SIAE: variants seen among roughly 807,000 people sequenced by gnomAD.
SIAE encodes the protein sialate O-acetylesterase.
In SIAE, 39 loss-of-function variants were observed where a neutral mutation model predicts 52.6. The observed-to-expected ratio is 0.74, with a 90% CI of 0.57 to 0.97. The LOEUF is 0.97. Among genes scored for constraint, SIAE ranks in the 50% least tolerant of loss-of-function variants. The probability of loss-of-function intolerance (pLI) is 0.00; values close to 1 mark genes in which losing one functional copy is unlikely to be tolerated. For missense variants in SIAE, 592 were observed against 662.1 expected (o/e 0.89, Z 1.16); for synonymous variants, 233 against 241.4 (o/e 0.97, Z 0.32).
At chr11:124,666,378 A>G (rs973466887) in intron 2 of SIAE, among the ~76,000 whole-genome samples, 7 of 152,186 alleles carry the variant, frequency 4.6e-5, no homozygotes, top group African/African-American at 1.2e-4. Context: ...TTTTCTGCCT[A>G]TGAAATTTCT....
At chr11:124,657,355 G>A (rs890766985) in intron 3 of SIAE, among the ~76,000 whole-genome samples, 16 of 152,184 alleles carry the variant, frequency 1.1e-4, no homozygotes, top group African/African-American at 3.9e-4. Flanking sequence ...GCCTCCTTTG[G>A]AATTCAGTTC....
At chr11:124,657,067 T>C (rs1943113139) in intron 3 of SIAE, among the ~76,000 whole-genome samples, 2 of 151,976 alleles carry the variant, frequency 1.3e-5, no homozygotes, top group African/African-American at 2.4e-5. Flanking sequence ...CAGATGGAAA[T>C]GAGATAGCTC....
Position 124,636,538 on chromosome 11 carries a change from T to C in SIAE, c.*413A>G. 1 of 280,330 alleles carries C rather than the reference T, an allele frequency of 3.6e-6. No individual in the cohort carries two copies. Among genetic ancestry groups the C allele is most frequent in the Non-Finnish European group, 6.9e-6 (1 of 144,896 alleles). 17.4% of individuals were successfully genotyped at this position (280,330 alleles called of 1,614,324 possible). On this transcript the variant is annotated 3_prime_UTR_variant, in exon 10 of 10. Transcript: ENST00000263593. ...AGCAGGGTCGGGCCTGGTTAGTACT[T>C]GGATGGGAGAAATTTTATAAAGAAC...
At chr11:124,675,865 A>G (rs1943456437), upstream of SIAE, 1 of 156,492 alleles carries the variant, frequency 6.4e-6, no homozygotes, top group Non-Finnish European at 1.4e-5. Flanking sequence ...TAAGTACTGC[A>G]AAAAGAATTC....
At position 124,636,594 on chromosome 11, in the gene SIAE, T is replaced by TA. The variant is rs758969296; in HGVS notation, c.*356dup. On this transcript the variant is annotated 3_prime_UTR_variant, in exon 10 of 10. Coordinates refer to ENST00000263593, the MANE Select transcript of SIAE (RefSeq NM_170601.5). ...AACACTAGCTGGCCTATGTGGCCTT[T>TA]AAAATCTCTTCCAATCCTGAGATTC... The TA allele has an allele frequency of 2.1e-5, 7 of 326,856 alleles. No individual in the cohort carries two copies. Among genetic ancestry groups the TA allele is most frequent in the Admixed American group, 8.4e-5 (2 of 23,922 alleles). 20.2% of individuals were successfully genotyped at this position (326,856 alleles called of 1,614,324 possible).
At chr11:124,666,118 G>A (rs906584284) in intron 2 of SIAE, among the ~76,000 whole-genome samples, 1 of 152,128 alleles carries the variant, frequency 6.6e-6, no homozygotes, top group African/African-American at 2.4e-5. Context: ...CCTGACCATG[G>A]TGCCAATCAT....
chr11:124,639,906 A>T (rs1285194448), intron 7 of SIAE, 39 bp from the exon 8 acceptor site: 1 of 1,609,798 alleles, frequency 6.2e-7, no homozygotes, highest in Non-Finnish European at 8.5e-7. Context: ...TTGTATCAGA[A>T]TCCCACACTG....
intron 4 of SIAE, among the ~76,000 whole-genome samples, chr11:124,653,122 C>T (rs1943040908): frequency 6.6e-6 from 1 of 152,080 alleles, no homozygotes; most frequent in Non-Finnish European, 1.5e-5. Context: ...AGGGAGAGTT[C>T]GGATAGTGTA....
At chr11:124,653,594 G>A (rs1176538610) in intron 4 of SIAE, among the ~76,000 whole-genome samples, 2 of 152,188 alleles carry the variant, frequency 1.3e-5, no homozygotes, top group Non-Finnish European at 2.9e-5. Flanking sequence ...ACATCAAGGT[G>A]AACAAATTGT....
At chr11:124,646,749 G>A (rs1942941084) in intron 7 of SIAE, among the ~76,000 whole-genome samples, 1 of 152,336 alleles carries the variant, frequency 6.6e-6, no homozygotes, top group South Asian at 2.1e-4. Context: ...AAATAATCAA[G>A]CATATATGCA....
chr11:124,636,938 C>G lies in SIAE; in HGVS notation c.*13G>C, dbSNP rs768225164. On this transcript the variant is annotated 3_prime_UTR_variant, in exon 10 of 10. Transcript: ENST00000263593. ...CCCATCCTTATATCTAAGTTCTGAT[C>G]ATACTGAAACAGTCATTTAGCAACA... 9 of 1,614,004 alleles carry G rather than the reference C, an allele frequency of 5.6e-6. No individual in the cohort carries two copies. Among genetic ancestry groups the G allele is most frequent in the Admixed American group, 3.3e-5 (2 of 60,002 alleles).
chr11:124,638,597 T>C lies in SIAE; in HGVS notation c.1265A>G (p.Asn422Ser), dbSNP rs1456012346. Residue 422 changes from asparagine (N) to serine (S), a missense_variant, in exon 9 of 10, where the codon AAT becomes AGT. Physicochemically the swap from Asn to Ser is conservative, Grantham distance 46. Transcript: ENST00000263593. ...CTGGATTTGCTGGTAATATGTGAGA[T>C]TGAGCAGCCCCTTGTGAGCCAAGAG... ...IELLAHKGLL[N>S]LTYYQQIQVQ... is the part of the protein sequence containing the mutation. 8.1e-6 allele frequency: 13 copies of C among 1,614,086 alleles called. No individual in the cohort carries two copies. Among genetic ancestry groups the C allele is most frequent in the East Asian group, 2.2e-5 (1 of 44,902 alleles).
At chr11:124,675,107 T>C, upstream of SIAE, 1 of 857,654 alleles carries the variant, frequency 1.2e-6, no homozygotes, top group Non-Finnish European at 1.7e-6. Context: ...ATGGATGGGC[T>C]TGGGTTGTGT....
chr11:124,673,113 T>C (rs1943394000), intron 1 of SIAE, among the ~76,000 whole-genome samples: 1 of 152,142 alleles, frequency 6.6e-6, no homozygotes. Context: ...AAACTGAGCC[T>C]TAAATAGTCA....
At chr11:124,638,385 G>A (rs1942785910) in intron 9 of SIAE, among the ~76,000 whole-genome samples, 157 bp downstream of exon 9, 1 of 152,036 alleles carries the variant, frequency 6.6e-6, no homozygotes, top group South Asian at 2.1e-4. Flanking sequence ...CCAAGCTACT[G>A]AATTAACAGC....
At chr11:124,649,486 A>G in intron 5 of SIAE, 133 bp downstream of exon 5, 1 of 991,812 alleles carries the variant, frequency 1.0e-6, no homozygotes, top group Non-Finnish European at 1.6e-6. Flanking sequence ...TTCCCTCTAC[A>G]TGAATAAATT....
chr11:124,635,251 C>T lies in SIAE; in HGVS notation c.*1700G>A, dbSNP rs937855565. The T allele has an allele frequency of 6.6e-6, 1 of 152,108 alleles. No homozygotes were observed. Among genetic ancestry groups the T allele is most frequent in the Non-Finnish European group, 1.5e-5 (1 of 68,026 alleles). 9.4% of individuals were successfully genotyped at this position (152,108 alleles called of 1,614,324 possible). The stretch of plus-strand genomic sequence containing the variant: ...TACAAGGTTCATGGTTTCTATGGGG[C>T]CAGATGCATGAGAGGTCAAAGCATG... On this transcript the variant is annotated 3_prime_UTR_variant, in exon 10 of 10. Coordinates refer to ENST00000263593, the MANE Select transcript of SIAE (RefSeq NM_170601.5).
chr11:124,670,292 C>G lies in SIAE; in HGVS notation c.68-771G>C, dbSNP rs2134394632. 6.6e-6 allele frequency among the ~76,000 whole-genome samples: 1 copy of G among 152,270 alleles called. No individual in the cohort carries two copies. The highest frequency in any genetic ancestry group is 3.4e-3 in the Middle Eastern group (1 of 294). On this transcript the variant is annotated intron_variant, in intron 1 of 9. Transcript: ENST00000263593. The surrounding 1 kb of genome is among the most constrained non-coding windows in gnomAD (Gnocchi z 4.5). ...ATTATACTAAAAGGACAAGAGAAAG[C>G]ACACTAGAAACTGGATTCTATTCTA... is the stretch of plus-strand genomic sequence containing the variant.
intron 3 of SIAE, chr11:124,660,343 C>A: frequency 1.4e-4 from 47 of 332,222 alleles, no homozygotes; most frequent in East Asian, 2.9e-4. Context: ...TGAGAAGAAA[C>A]TCAGTTTTGG....
Sources: gnomAD v4.1 joint callset for allele counts (sites outside exome capture counted in the v4.1 genomes callset) on GRCh38, gnomAD v4.1.1 for gene constraint, Gnocchi (gnomAD v3.1) non-coding constraint, MANE v1.5 for transcripts, NCBI Gene and HGNC (gene_info 2026-07-23, HGNC 2026-07-21) for gene names.